The following MED22 variants were observed in gnomAD, a reference collection of about 807,000 sequenced individuals.
MED22 encodes the protein mediator complex subunit 22.
In MED22, 22 loss-of-function variants were observed where a neutral mutation model predicts 22.7. The ratio of observed to expected loss-of-function variants is 0.97; its 90% CI spans 0.69 to 1.38. MED22 has a LOEUF of 1.38. Ranked by LOEUF, MED22 falls within the 40% of genes most tolerant of loss-of-function variation. The pLI, the probability that MED22 is intolerant of heterozygous loss-of-function variation, is 0.00. For missense variants in MED22, 247 were observed against 263.0 expected (o/e 0.94, Z 0.42); for synonymous variants, 134 against 119.4 (o/e 1.12, Z -0.80).
chr9:133,345,305 C>G lies in MED22; in HGVS notation c.124-53G>C, dbSNP rs2129964816. The G allele has an allele frequency of 1.1e-5, 17 of 1,564,924 alleles. No homozygotes were observed. The African/African-American group carries it at 2.3e-4, about 21-fold the overall frequency. ...TCAACCCAGCCAAGGCATCCCCACC[C>G]CTGGCCCGGCCCAGCCCAGCTTACG... On this transcript the variant is annotated intron_variant, in intron 2 of 4. Coordinates refer to ENST00000343730, the MANE Select transcript of MED22 (RefSeq NM_133640.5).
chr9:133,339,100 T>A lies in MED22; in HGVS notation c.*2405A>T, dbSNP rs1835952910. 2 of 676,142 alleles carry A rather than the reference T, an allele frequency of 3.0e-6. No homozygotes were observed. Among genetic ancestry groups the A allele is most frequent in the Non-Finnish European group, 5.5e-6 (2 of 361,594 alleles). The allele number at this position is 676,142 out of a possible 1,614,324, so 41.9% of individuals were successfully genotyped here. A position where few individuals can be genotyped will look rare whatever the true frequency, so the allele number is the denominator to read the frequency against. ...AGTATATGCAAATTGATGAGAAAGG[T>A]GATATTGTAGATATCAAGGGAATGG... On this transcript the variant is annotated 3_prime_UTR_variant, in exon 5 of 5. Coordinates refer to ENST00000343730, the MANE Select transcript of MED22 (RefSeq NM_133640.5).
intron 1 of MED22, chr9:133,347,380 ATGGCAGGCGCCT>A (rs2129971657): frequency 0.045 from 6,804 of 152,296 alleles, 225 homozygotes; most frequent in Non-Finnish European, 0.071. Context: ...GCCGGGCGTG[ATGGCAGGCGCCT>A]GTAATCCCAG....
chr9:133,341,238 T>A lies in MED22; in HGVS notation c.*267A>T. On this transcript the variant is annotated 3_prime_UTR_variant, in exon 5 of 5. Coordinates refer to ENST00000343730, the MANE Select transcript of MED22 (RefSeq NM_133640.5). Reference sequence around the variant, plus strand: ...ACGGGCCAGACCTAGCTTGGAAACTTTCTTCCACCTGGCTGGCCAGGAAGG... The same window carrying A: ...ACGGGCCAGACCTAGCTTGGAAACTATCTTCCACCTGGCTGGCCAGGAAGG... 2.7e-6 allele frequency: 1 copy of A among 372,686 alleles called. No individual in the cohort carries two copies. The highest frequency in any genetic ancestry group is 4.8e-6 in the Non-Finnish European group (1 of 209,998). 23.1% of individuals were successfully genotyped at this position (372,686 alleles called of 1,614,324 possible).
In MED22 at chr9:133,348,033, T is replaced by C; in HGVS notation, c.-150A>G. 1 of 678,204 alleles carries C rather than the reference T, an allele frequency of 1.5e-6. No homozygotes were observed. The highest frequency in any genetic ancestry group is 2.8e-5 in the East Asian group (1 of 36,054). The allele number at this position is 678,204 out of a possible 1,614,324, so 42.0% of individuals were successfully genotyped here. On this transcript the variant is annotated 5_prime_UTR_variant, in exon 1 of 5. Coordinates refer to ENST00000343730, the MANE Select transcript of MED22 (RefSeq NM_133640.5). The stretch of plus-strand genomic sequence containing the variant: ...CCGCGTCTCTCCCACGGCCTGGCCC[T>C]CCCGCCGCAGTCTCTCTTCCCCGCC...
At chr9:133,341,842 C>T in intron 4 of MED22, 148 bp from the exon 5 acceptor site, 1 of 1,405,396 alleles carries the variant, frequency 7.1e-7, no homozygotes, top group Non-Finnish European at 9.2e-7. Flanking sequence ...CTCCATCTGT[C>T]CCCTGAGTTG....
chr9:133,344,390 A>T, intron 3 of MED22, 57 bp from the exon 4 acceptor site: 3 of 1,584,510 alleles, frequency 1.9e-6, no homozygotes, highest in Non-Finnish European at 2.6e-6. Flanking sequence ...GGCCTTGCCT[A>T]CAAGTAGCTG....
chr9:133,342,904 C>G, intron 4 of MED22: 1 of 985,576 alleles, frequency 1.0e-6, no homozygotes, highest in East Asian at 1.1e-4. Context: ...ATTACAGGCC[C>G]ACAGCTGCTC....
At chr9:133,343,616 C>T in intron 4 of MED22, 2 of 1,243,606 alleles carry the variant, frequency 1.6e-6, no homozygotes, top group East Asian at 6.1e-5. Context: ...GGGCTTCATC[C>T]CCCACATTCC....
chr9:133,346,370 G>A, intron 2 of MED22, 170 bp downstream of exon 2: 1 of 755,456 alleles, frequency 1.3e-6, no homozygotes, highest in African/African-American at 1.7e-5. Context: ...CATACTGTTA[G>A]TAAGGGCTGG....
rs1353933498 is a variant in MED22 at position 133,348,074 on chromosome 9, A to C, written c.-191T>G. 7.4e-6 allele frequency: 7 copies of C among 951,102 alleles called. No individual in the cohort carries two copies. The highest frequency in any genetic ancestry group is 4.9e-5 in the African/African-American group (3 of 61,190). The allele number at this position is 951,102 out of a possible 1,614,324, so 58.9% of individuals were successfully genotyped here. A position where few individuals can be genotyped will look rare whatever the true frequency, so the allele number is the denominator to read the frequency against. The stretch of plus-strand genomic sequence containing the variant: ...CTTCCCCGCCGCGCCGCGGTCCGAA[A>C]ACCTAGTCAGCCGCCGCAGCCTCTC... On this transcript the variant is annotated 5_prime_UTR_variant, in exon 1 of 5. Coordinates refer to ENST00000343730, the MANE Select transcript of MED22 (RefSeq NM_133640.5).
chr9:133,342,640 G>C, intron 4 of MED22: 1 of 986,058 alleles, frequency 1.0e-6, no homozygotes, highest in South Asian at 4.7e-5. Flanking sequence ...GTCGCTTAAA[G>C]GCAATGTACA....
chr9:133,342,379 G>A (rs1010779230), intron 4 of MED22: 16 of 985,956 alleles, frequency 1.6e-5, no homozygotes, highest in East Asian at 2.3e-4. Context: ...GCTTTCCCGC[G>A]GCCTGCCTCG....
chr9:133,347,931 C>T lies in MED22; in HGVS notation c.-48G>A. On this transcript the variant is annotated 5_prime_UTR_variant, in exon 1 of 5. Coordinates refer to ENST00000343730, the MANE Select transcript of MED22 (RefSeq NM_133640.5). The stretch of plus-strand genomic sequence containing the variant: ...CACCACACCCTCATACCCGCCCCAG[C>T]GCCCGCACACCAGACGCCGCGTCCG... 3.7e-6 allele frequency: 1 copy of T among 270,372 alleles called. No homozygotes were observed. The highest frequency in any genetic ancestry group is 7.1e-6 in the Non-Finnish European group (1 of 139,964). 16.7% of individuals were successfully genotyped at this position (270,372 alleles called of 1,614,324 possible).
In MED22 at chr9:133,339,331, A is replaced by G; in HGVS notation, c.*2174T>C. 4.2e-6 allele frequency: 3 copies of G among 707,890 alleles called. No homozygotes were observed. The highest frequency in any genetic ancestry group is 7.9e-6 in the Non-Finnish European group (3 of 378,860). The allele number at this position is 707,890 out of a possible 1,614,324, so 43.9% of individuals were successfully genotyped here. ...CGCGTGAAGGAAAATGATCAGAAAAAGAGGGAAGCCAAAGAGAAAGGTACC... is the reference window on the plus strand; with the variant it reads ...CGCGTGAAGGAAAATGATCAGAAAAGGAGGGAAGCCAAAGAGAAAGGTACC... On this transcript the variant is annotated 3_prime_UTR_variant, in exon 5 of 5. Coordinates refer to ENST00000343730, the MANE Select transcript of MED22 (RefSeq NM_133640.5).
chr9:133,344,464 C>T (rs1564340386), intron 3 of MED22, 131 bp from the exon 4 acceptor site: 1 of 811,106 alleles, frequency 1.2e-6, no homozygotes, highest in Admixed American at 2.1e-5. Context: ...TGGGACTCTA[C>T]CCCTGACCTC....
At position 133,345,204 on chromosome 9, in the gene MED22, T is replaced by A; in HGVS notation, c.172A>T (p.Asn58Tyr). The A allele has an allele frequency of 6.2e-7, 1 of 1,614,004 alleles. No homozygotes were observed. Among genetic ancestry groups the A allele is most frequent in the African/African-American group, 1.3e-5 (1 of 75,012 alleles). ...VSRATQGEQDNYEMHVRAANI... is the reference protein window; with the variant it reads ...VSRATQGEQDYYEMHVRAANI... ...GCGGCTCGCACATGCATCTCGTAAT[T>A]GTCCTGTTCACCCTGAGTGGCCCGT... Residue 58 changes from asparagine to tyrosine, a missense_variant, in exon 3 of 5, where the codon AAT becomes TAT. By Grantham distance (143) the Asn-to-Tyr change is moderately radical. Coordinates refer to ENST00000343730, the MANE Select transcript of MED22 (RefSeq NM_133640.5).
intron 1 of MED22, chr9:133,347,720 C>T (rs1399576173): frequency 6.4e-6 from 1 of 156,208 alleles, no homozygotes; most frequent in Non-Finnish European, 1.4e-5. Context: ...CCCGGGGCCC[C>T]CTAGGTTCGG....
chr9:133,346,744 C>A, intron 1 of MED22, 44 bp from the exon 2 acceptor site: 1 of 1,531,938 alleles, frequency 6.5e-7, no homozygotes, highest in Non-Finnish European at 8.8e-7. Flanking sequence ...GAGTCTACCC[C>A]AGCCACCCTC....
rs1835971527 is a variant in MED22 at position 133,340,354 on chromosome 9, G to C, written c.*1151C>G. 1 of 152,210 alleles carries C rather than the reference G, an allele frequency of 6.6e-6. No homozygotes were observed. 9.4% of individuals were successfully genotyped at this position (152,210 alleles called of 1,614,324 possible). On this transcript the variant is annotated 3_prime_UTR_variant, in exon 5 of 5. Coordinates refer to ENST00000343730, the MANE Select transcript of MED22 (RefSeq NM_133640.5). ...TGTCCCCAAGGCTGGATCCTGGGCTGTCACCTCATTCATACATCGGGAAAG... is the reference window on the plus strand; with the variant it reads ...TGTCCCCAAGGCTGGATCCTGGGCTCTCACCTCATTCATACATCGGGAAAG...
Sources: allele counts gnomAD v4.1 joint callset, GRCh38; gene constraint gnomAD v4.1.1; transcripts MANE v1.5; gene names NCBI Gene and HGNC (gene_info 2026-07-23, HGNC 2026-07-21).